ITFG2: variants seen among roughly 807,000 people sequenced by gnomAD.
ITFG2 encodes KICSTOR complex protein ITFG2.
ITFG2 carries 36 observed loss-of-function variants against 54.4 expected under a neutral mutation model. That is an observed-to-expected ratio of 0.66 (90% CI 0.51 to 0.87). The LOEUF (loss-of-function observed/expected upper bound fraction) is 0.87, where lower values mean the gene tolerates loss of function less well. Ranked by LOEUF, ITFG2 falls within the 40% of genes least tolerant of loss-of-function variation. The probability of loss-of-function intolerance (pLI) is 0.00; values close to 1 mark genes in which losing one functional copy is unlikely to be tolerated. For missense variants in ITFG2, 524 were observed against 576.7 expected (o/e 0.91, Z 0.94); for synonymous variants, 211 against 225.4 (o/e 0.94, Z 0.57).
rs776915084 is a variant in ITFG2 at position 2,817,242 on chromosome 12, G to C, written c.116G>C (p.Gly39Ala). ...DNDTLNELVV[G>A]DTSGKVSVYK... ...TTGAAGTTAAATGAACTGGTGGTGG[G>C]AGACACCAGCGGGAAGGTGTCTGTG... The change falls in exon 2 of 12, where the codon GGA becomes GCA. Residue 39 changes from glycine (G) to alanine (A), a missense_variant. By Grantham distance (60) the Gly-to-Ala change is moderately conservative (BLOSUM62 0). Coordinates refer to ENST00000228799, the MANE Select transcript of ITFG2 (RefSeq NM_018463.4). The C allele has an allele frequency of 8.7e-6, 14 of 1,612,448 alleles. No individual in the cohort carries two copies. The highest frequency in any genetic ancestry group is 1.1e-5 in the Non-Finnish European group (13 of 1,178,542).
chr12:2,854,423 A>G (rs1460835664), intron 2 of ITFG2, among the ~76,000 whole-genome samples: 1 of 152,166 alleles, frequency 6.6e-6, no homozygotes, highest in Non-Finnish European at 1.5e-5. Context: ...TTCATCGGTG[A>G]GGGAGCTGAG....
At position 2,818,270 on chromosome 12, in the gene ITFG2, C is replaced by T. The variant is rs2153924040; in HGVS notation, c.399C>T (p.Ser133=). Residue 133 remains serine (S), a synonymous_variant, in exon 4 of 12, where the codon AGC becomes AGT. Coordinates refer to ENST00000228799, the MANE Select transcript of ITFG2 (RefSeq NM_018463.4). ...IPANTKVMLI[S]DIDGDGCREL... ...CCAACACCAAGGTCATGCTGATCAG[C>T]GACATCGGTGGGCATGCCTACCTTT... 27 of 1,612,838 alleles carry T rather than the reference C, an allele frequency of 1.7e-5. No individual in the cohort carries two copies. Among genetic ancestry groups the T allele is most frequent in the East Asian group, 2.2e-5 (1 of 44,880 alleles).
At chr12:2,829,774 TAAAC>T (rs961680170), downstream of ITFG2, among the ~76,000 whole-genome samples, 19 of 138,208 alleles carry the variant, frequency 1.4e-4, no homozygotes, top group African/African-American at 1.7e-4. Flanking sequence ...CTCTAAAAAA[TAAAC>T]AAAAGGACCG....
intron 2 of ITFG2, among the ~76,000 whole-genome samples, chr12:2,847,737 C>G (rs148884564): frequency 6.6e-6 from 1 of 151,544 alleles, no homozygotes; most frequent in East Asian, 1.9e-4. Context: ...CTGATATCTT[C>G]TATTCAACTT....
intron 2 of ITFG2, among the ~76,000 whole-genome samples, chr12:2,847,384 C>T (rs1440671212): frequency 2.0e-5 from 3 of 152,136 alleles, no homozygotes; most frequent in South Asian, 2.1e-4. Flanking sequence ...CCCGGCCAGA[C>T]GCGGTGGCTC....
At chr12:2,859,202 C>A (rs544627443) in intron 3 of ITFG2, 2 of 1,611,816 alleles carry the variant, frequency 1.2e-6, no homozygotes, top group South Asian at 2.2e-5. Flanking sequence ...CTGCTGGGAA[C>A]GGGAGCTCTG....
chr12:2,830,780 G>C, intron 2 of ITFG2: 1 of 1,613,880 alleles, frequency 6.2e-7, no homozygotes, highest in Non-Finnish European at 8.5e-7. Context: ...CATGAATCAG[G>C]TCCTGCATCC....
chr12:2,858,974 G>C, intron 3 of ITFG2: 1 of 1,613,480 alleles, frequency 6.2e-7, no homozygotes, highest in East Asian at 2.2e-5. Context: ...GCCCCAGGGG[G>C]TCAGGCAAGG....
intron 1 of ITFG2, 135 bp from the exon 2 acceptor site, chr12:2,817,087 TG>T: frequency 1.6e-6 from 1 of 613,234 alleles, no homozygotes; most frequent in Non-Finnish European, 3.0e-6. Context: ...TCATTGCACC[TG>T]GCCAGACTTT....
intron 1 of ITFG2, among the ~76,000 whole-genome samples, chr12:2,837,338 C>T (rs988502869): frequency 4.8e-4 from 73 of 152,260 alleles, no homozygotes; most frequent in African/African-American, 1.7e-3. Flanking sequence ...ATTAGCCGGG[C>T]GCGGTGGCAG....
intron 2 of ITFG2, among the ~76,000 whole-genome samples, chr12:2,852,234 C>T (rs1011692596): frequency 1.2e-4 from 18 of 152,200 alleles, no homozygotes; most frequent in Non-Finnish European, 2.4e-4. Context: ...CAGCAGTAAA[C>T]ATGTGAGACA....
downstream of ITFG2, among the ~76,000 whole-genome samples, chr12:2,829,011 G>A (rs1401304784): frequency 6.6e-6 from 1 of 151,856 alleles, no homozygotes; most frequent in African/African-American, 2.4e-5. Flanking sequence ...ACCAGCCTAG[G>A]CAACATAGCA....
At chr12:2,854,850 T>C (rs2098082158) in intron 2 of ITFG2, 1 of 1,487,624 alleles carries the variant, frequency 6.7e-7, no homozygotes, top group Non-Finnish European at 8.9e-7. Flanking sequence ...AGGGGTCACC[T>C]GGGCAGGGCA....
At chr12:2,826,457 C>G (rs765424430), downstream of ITFG2, 3 of 151,932 alleles carry the variant, frequency 2.0e-5, no homozygotes, top group East Asian at 3.9e-4. Context: ...CACACACACA[C>G]GCAAGGCTCA....
chr12:2,832,663 T>C (rs375204971), upstream of ITFG2, among the ~76,000 whole-genome samples: 19 of 151,334 alleles, frequency 1.3e-4, no homozygotes, highest in Non-Finnish European at 5.9e-5. Flanking sequence ...ACAAATGTTA[T>C]GTATGGATTT....
intron 2 of ITFG2, chr12:2,817,703 G>T: frequency 1.9e-6 from 1 of 522,342 alleles, no homozygotes. Flanking sequence ...TGTCTTAACC[G>T]CCTCAGGTCT....
rs2153925077 is a variant in ITFG2, at chr12:2,823,904, A to G, written c.1201A>G (p.Lys401Glu). The G allele has an allele frequency of 6.2e-7, 1 of 1,613,564 alleles. No individual in the cohort carries two copies. The highest frequency in any genetic ancestry group is 8.5e-7 in the Non-Finnish European group (1 of 1,179,738). The change falls in exon 11 of 12, where the codon AAG becomes GAG. Residue 401 changes from lysine (K) to glutamate (E), a missense_variant. Coordinates refer to ENST00000228799, the MANE Select transcript of ITFG2 (RefSeq NM_018463.4). ...STNLVKLLET[K>E]PEYHSLLQEL... ...CAATCTGGTGAAACTGCTGGAGACC[A>G]AGCCGGAGTACCACAGCCTGCTGCA...
chr12:2,816,855 T>C (rs1342306140), intron 1 of ITFG2, among the ~76,000 whole-genome samples: 1 of 144,432 alleles, frequency 6.9e-6, no homozygotes, highest in Non-Finnish European at 1.5e-5. Context: ...TTGGCTAGGC[T>C]GGTCTCGAAT....
rs981684476 is a variant in ITFG2, at chr12:2,820,810, G to A, written c.633G>A (p.Leu211=). The A allele has an allele frequency of 3.1e-6, 5 of 1,613,942 alleles. No homozygotes were observed. Among genetic ancestry groups the A allele is most frequent in the Non-Finnish European group, 4.2e-6 (5 of 1,179,980 alleles). ...SQPGCAYAIL[L]CTWKKDTGSP... Reference sequence around the variant, plus strand: ...CAGGTTGTGCGTATGCAATTCTACTGTGTACCTGGAAAAAGGACACTGGGT... The same window carrying A: ...CAGGTTGTGCGTATGCAATTCTACTATGTACCTGGAAAAAGGACACTGGGT... Residue 211 remains leucine, a synonymous_variant, in exon 6 of 12, where the codon CTG becomes CTA. Coordinates refer to ENST00000228799, the MANE Select transcript of ITFG2 (RefSeq NM_018463.4).
Sources: allele counts gnomAD v4.1 joint callset (sites outside exome capture counted in the v4.1 genomes callset), GRCh38; gene constraint gnomAD v4.1.1; transcripts MANE v1.5; gene names NCBI Gene and HGNC (gene_info 2026-07-23, HGNC 2026-07-21).